RBFOX3: variants seen among roughly 807,000 people sequenced by gnomAD.
The protein encoded by RBFOX3 is RNA binding fox-1 homolog 3, also known as RNA binding protein fox-1 homolog 3.
A neutral mutation model predicts 48.7 loss-of-function variants in RBFOX3; 17 were observed. The ratio of observed to expected loss-of-function variants is 0.35; its 90% CI spans 0.24 to 0.52. The LOEUF is 0.52. Among genes scored for constraint, RBFOX3 ranks in the 20% least tolerant of loss-of-function variants. RBFOX3 has a pLI of 0.94. For synonymous variants in RBFOX3, 212 were observed against 209.5 expected (o/e 1.01, Z -0.10); for missense variants, 382 against 497.5 (o/e 0.77, Z 2.21).
In RBFOX3 at chr17:79,252,469, C is replaced by T. The variant is rs1439955494; in HGVS notation, c.-73-16664G>A. On this transcript the variant is annotated intron_variant, in intron 3 of 14. Coordinates refer to ENST00000693108, the MANE Select transcript of RBFOX3 (RefSeq NM_001350451.2). The surrounding 1 kb of genome is among the most constrained non-coding windows in gnomAD (Gnocchi z 4.0). ...ACCCTCCCTCTCTTCCTCCCCCATC[C>T]TCCAATCCATCATTGACTGTCAGTT... Among the ~76,000 whole-genome samples the T allele has an allele frequency of 6.6e-6, 1 of 152,186 alleles. No individual in the cohort carries two copies. The highest frequency in any genetic ancestry group is 1.5e-5 in the Non-Finnish European group (1 of 68,034).
intron 3 of RBFOX3, among the ~76,000 whole-genome samples, chr17:79,269,267 A>G (rs2067257193): frequency 6.6e-6 from 1 of 152,158 alleles, no homozygotes; most frequent in South Asian, 2.1e-4. Flanking sequence ...TTCAGAGAAA[A>G]TGCAGCCCTG....
intron 1 of RBFOX3, among the ~76,000 whole-genome samples, chr17:79,552,787 A>G (rs1293279212): frequency 1.3e-5 from 2 of 152,188 alleles, no homozygotes; most frequent in Non-Finnish European, 2.9e-5. Flanking sequence ...TATTTTTGTT[A>G]TCATAAATAG....
chr17:79,097,339 A>G lies in RBFOX3; in HGVS notation c.708T>C (p.Asn236=), dbSNP rs1162866671. 1.9e-6 allele frequency: 3 copies of G among 1,548,530 alleles called. No homozygotes were observed. The highest frequency in any genetic ancestry group is 2.6e-6 in the Non-Finnish European group (3 of 1,146,204). ...HLRGRGRAVY[N]TFRAAPPPPP... ...GTGGGGGTGGCGCAGCCCGAAATGTATTATACACGGCCCGGCCCCGGCCCC... is the reference window on the plus strand; with the variant it reads ...GTGGGGGTGGCGCAGCCCGAAATGTGTTATACACGGCCCGGCCCCGGCCCC... Residue 236 remains asparagine, a synonymous_variant, in exon 11 of 15, where the codon AAT becomes AAC. Transcript: ENST00000693108.
intron 2 of RBFOX3, among the ~76,000 whole-genome samples, chr17:79,330,988 T>G (rs919198324): frequency 2.0e-5 from 3 of 152,166 alleles, no homozygotes; most frequent in Non-Finnish European, 4.4e-5. Flanking sequence ...GTTTCATGAA[T>G]GTGGGTCCCA....
intron 1 of RBFOX3, among the ~76,000 whole-genome samples, chr17:79,545,071 G>A (rs942200365): frequency 4.6e-5 from 7 of 151,906 alleles, no homozygotes; most frequent in Admixed American, 4.6e-4. Flanking sequence ...ATGAATCCTG[G>A]GGGGAAGGAG....
At position 79,363,977 on chromosome 17, in the gene RBFOX3, C is replaced by T. The variant is rs536728455; in HGVS notation, c.-174-56153G>A. Among the ~76,000 whole-genome samples, 20 of 152,334 alleles carry T rather than the reference C, an allele frequency of 1.3e-4. No individual in the cohort carries two copies. The highest frequency in any genetic ancestry group is 1.2e-3 in the Admixed American group (18 of 15,306). ...AATCACAGCCTGTGCTCCACCACGC[C>T]CTCCTTTTCCACCAGGCTTTATGGG... On this transcript the variant is annotated intron_variant, in intron 2 of 14. Transcript: ENST00000693108. The surrounding 1 kb of genome is among the most constrained non-coding windows in gnomAD (Gnocchi z 4.7).
At chr17:79,096,417 G>A (rs533703188) in intron 12 of RBFOX3, among the ~76,000 whole-genome samples, 111 of 152,308 alleles carry the variant, frequency 7.3e-4, no homozygotes, top group African/African-American at 2.5e-3. Flanking sequence ...AGCTCACAGG[G>A]CTGCTGGGCG....
chr17:79,297,254 A>G (rs1289125617), intron 3 of RBFOX3, among the ~76,000 whole-genome samples: 1 of 152,136 alleles, frequency 6.6e-6, no homozygotes, highest in Non-Finnish European at 1.5e-5. Context: ...GGACTTAGTG[A>G]GTGCTCCTTC....
At chr17:79,536,684 A>G (rs748506421) in intron 1 of RBFOX3, among the ~76,000 whole-genome samples, 2 of 152,126 alleles carry the variant, frequency 1.3e-5, no homozygotes, top group East Asian at 3.8e-4. Context: ...AGAGTCCCAC[A>G]CTGTATCATC....
At chr17:79,347,068 A>T (rs2083044560) in intron 2 of RBFOX3, among the ~76,000 whole-genome samples, 1 of 152,206 alleles carries the variant, frequency 6.6e-6, no homozygotes, top group African/African-American at 2.4e-5. Flanking sequence ...TGCACTGCAT[A>T]GGAGAATGGA....
intron 5 of RBFOX3, among the ~76,000 whole-genome samples, chr17:79,112,736 C>G (rs1160203989): frequency 6.6e-6 from 1 of 152,068 alleles, no homozygotes; most frequent in African/African-American, 2.4e-5. Flanking sequence ...CCCCTCTCCA[C>G]TGCCCTGGCC....
chr17:79,316,811 A>G (rs1235554158), intron 2 of RBFOX3, among the ~76,000 whole-genome samples: 1 of 152,230 alleles, frequency 6.6e-6, no homozygotes, highest in Non-Finnish European at 1.5e-5. Context: ...ACCATGCAAT[A>G]TTTGGGAAGT....
At chr17:79,367,341 C>T (rs1379848537) in intron 2 of RBFOX3, among the ~76,000 whole-genome samples, 1 of 148,144 alleles carries the variant, frequency 6.8e-6, no homozygotes, top group Non-Finnish European at 1.5e-5. Context: ...TTTCCTCTTC[C>T]TCCCCCTCCT....
intron 6 of RBFOX3, among the ~76,000 whole-genome samples, chr17:79,106,283 C>T (rs1470749798): frequency 2.6e-5 from 4 of 152,224 alleles, no homozygotes; most frequent in South Asian, 2.1e-4. Flanking sequence ...GGGAACAGGG[C>T]GGTCATAACC....
At chr17:79,308,003 G>A (rs118156388) in intron 2 of RBFOX3, among the ~76,000 whole-genome samples, 179 bp from the exon 3 acceptor site, 6,669 of 152,312 alleles carry the variant, frequency 0.044, 210 homozygotes, top group Middle Eastern at 0.099. Flanking sequence ...GAAGCTGTAA[G>A]AAGGTGTCCC....
At position 79,174,363 on chromosome 17, in the gene RBFOX3, A is replaced by C. The variant is rs1483805556; in HGVS notation, c.-33-58615T>G. Among the ~76,000 whole-genome samples, 3 of 151,776 alleles carry C rather than the reference A, an allele frequency of 2.0e-5. No homozygotes were observed. In the East Asian group the frequency reaches 5.8e-4, roughly 29 times the overall value. ...ACAATGCAGCCACACGTGCACACAG[A>C]CACATGCGCACACACACACATCCAC... On this transcript the variant is annotated intron_variant, in intron 4 of 14. Coordinates refer to ENST00000693108, the MANE Select transcript of RBFOX3 (RefSeq NM_001350451.2).
intron 2 of RBFOX3, among the ~76,000 whole-genome samples, chr17:79,323,494 C>T (rs563661749): frequency 2.0e-5 from 3 of 152,272 alleles, no homozygotes; most frequent in East Asian, 3.9e-4. Context: ...ACCTTGCCAC[C>T]CTGGGTGATG....
At chr17:79,307,251 A>C (rs1241711120) in intron 3 of RBFOX3, among the ~76,000 whole-genome samples, 1 of 152,218 alleles carries the variant, frequency 6.6e-6, no homozygotes, top group Non-Finnish European at 1.5e-5. Context: ...GCCCGGGACG[A>C]GCTCCACCGG....
At chr17:79,507,033 G>C (rs1022923256) in intron 1 of RBFOX3, among the ~76,000 whole-genome samples, 1 of 152,234 alleles carries the variant, frequency 6.6e-6, no homozygotes, top group Admixed American at 6.5e-5. Flanking sequence ...GCTGGAGCCC[G>C]TTGGTGGAAT....
Sources: gnomAD v4.1 joint callset for allele counts (sites outside exome capture counted in the v4.1 genomes callset) on GRCh38, gnomAD v4.1.1 for gene constraint, Gnocchi (gnomAD v3.1) non-coding constraint, MANE v1.5 for transcripts, NCBI Gene and HGNC (gene_info 2026-07-23, HGNC 2026-07-21) for gene names.